Variants in CIC observed in about 807,000 individuals in gnomAD.
CIC encodes the protein protein capicua homolog.
A neutral mutation model predicts 115.7 loss-of-function variants in CIC; 18 were observed. The observed-to-expected ratio is 0.16, with a 90% CI of 0.11 to 0.23. The LOEUF (loss-of-function observed/expected upper bound fraction) is 0.23. CIC is among the 10% of genes least tolerant of loss of function. The probability of loss-of-function intolerance (pLI) is 1.00; values close to 1 mark genes in which losing one functional copy is unlikely to be tolerated. For missense variants in CIC, 2,000 were observed against 2,159.3 expected (o/e 0.93, Z 1.46); for synonymous variants, 1,076 against 923.0 (o/e 1.17, Z -3.01).
intron 2 of CIC, among the ~76,000 whole-genome samples, chr19:42,278,786 G>A (rs1024321430): frequency 2.6e-5 from 4 of 152,210 alleles, no homozygotes; most frequent in African/African-American, 9.7e-5. Context: ...GTCCAGGCCA[G>A]GGAGCCCCCT....
chr19:42,288,107 C>A (rs1414625203), intron 7 of CIC, 132 bp downstream of exon 7: 1 of 1,011,852 alleles, frequency 9.9e-7, no homozygotes, highest in Non-Finnish European at 1.5e-6. Flanking sequence ...GACCCTTATC[C>A]GTAAAGGAAC....
intron 2 of CIC, chr19:42,284,912 C>T: frequency 2.6e-6 from 2 of 783,552 alleles, no homozygotes; most frequent in South Asian, 1.5e-5. Flanking sequence ...CGGAGCTCGG[C>T]CGGGCCGAGT....
intron 2 of CIC, among the ~76,000 whole-genome samples, chr19:42,281,971 G>A (rs1185725105): frequency 6.6e-6 from 1 of 152,230 alleles, no homozygotes; most frequent in Non-Finnish European, 1.5e-5. Context: ...TAGAGAAGGG[G>A]TTAACTTGCC....
At chr19:42,288,222 G>T (rs901211461) in intron 7 of CIC, among the ~76,000 whole-genome samples, 4 of 152,232 alleles carry the variant, frequency 2.6e-5, no homozygotes, top group African/African-American at 9.7e-5. Flanking sequence ...TTTACTATGT[G>T]CCTGGCACTA....
chr19:42,282,881 A>AG (rs1216841891), intron 2 of CIC, among the ~76,000 whole-genome samples: 1 of 4,352 alleles, frequency 2.3e-4, no homozygotes, highest in Non-Finnish European at 4.7e-4. Flanking sequence ...TTTTTCTGGG[A>AG]GGGGGGGCGG....
intron 2 of CIC, among the ~76,000 whole-genome samples, chr19:42,281,476 C>A (rs984250018): frequency 2.0e-5 from 3 of 152,142 alleles, no homozygotes; most frequent in African/African-American, 7.2e-5. Context: ...GGCAGTCCTT[C>A]TGTGGAGTTG....
Position 42,293,793 on chromosome 19 carries a change from G to A in CIC, c.6724G>A (p.Val2242Met), listed in dbSNP as rs1204263804. ...EAAGTGKKVKVRPPPLKKTFD... is the reference protein window; with the variant it reads ...EAAGTGKKVKMRPPPLKKTFD... ...GGCTGGTACTGGCAAGAAGGTGAAG[G>A]TGCGGCCCCCGCCCCTGAAGAAGAC... Residue 2242 changes from valine (V) to methionine (M), a missense_variant, in exon 17 of 21, where the codon GTG becomes ATG. Physicochemically the swap from Val to Met is conservative, Grantham distance 21. This residue lies in a region of CIC where 99 missense variants were observed against 217.6 expected (regional missense o/e 0.45). Transcript: ENST00000681038. 6.2e-7 allele frequency: 1 copy of A among 1,612,566 alleles called. No homozygotes were observed. Among genetic ancestry groups the A allele is most frequent in the Non-Finnish European group, 8.5e-7 (1 of 1,179,578 alleles).
chr19:42,294,510 T>C, intron 19 of CIC, 94 bp from the exon 20 acceptor site: 8 of 1,588,806 alleles, frequency 5.0e-6, no homozygotes, highest in East Asian at 2.2e-5. Flanking sequence ...CCCTGTGAAA[T>C]AGAATGCAGT....
At chr19:42,284,847 G>A (rs2147141538) in intron 2 of CIC, 3 of 1,253,664 alleles carry the variant, frequency 2.4e-6, no homozygotes, top group Non-Finnish European at 3.4e-6. Flanking sequence ...GGTGGTGGGG[G>A]TATAGTAGGG....
In CIC at chr19:42,272,425, C is replaced by T. The variant is rs2036823737; in HGVS notation, c.642C>T (p.Gly214=). Residue 214 remains glycine, a synonymous_variant, in exon 2 of 21, where the codon GGC becomes GGT. Coordinates refer to ENST00000681038, the MANE Select transcript of CIC (RefSeq NM_001386298.1). ...SQRVLARRGD[G]LFLPAVVRQV... is the part of the protein sequence containing the mutation. ...GGGTGCTGGCTCGGCGTGGTGATGG[C>T]CTTTTCCTGCCGGCTGTGGTGCGCC... The T allele has an allele frequency of 7.5e-6, 3 of 398,430 alleles. No homozygotes were observed. The South Asian group carries it at 3.8e-4, about 51-fold the overall frequency. The allele number at this position is 398,430 out of a possible 1,614,324, so 24.7% of individuals were successfully genotyped here. A position where few individuals can be genotyped will look rare whatever the true frequency, so the allele number is the denominator to read the frequency against.
chr19:42,291,057 A>C lies in CIC; in HGVS notation c.5016A>C (p.Leu1672=). The C allele has an allele frequency of 1.2e-6, 2 of 1,613,628 alleles. No homozygotes were observed. Among genetic ancestry groups the C allele is most frequent in the Non-Finnish European group, 1.7e-6 (2 of 1,179,880 alleles). ...VGKAPATVTN[L]LVGTPGYGAP... ...AGGCGCCTGCCACTGTCACTAACCT[A>C]CTGGTGGGCACCCCGGGGTATGGGG... Residue 1672 remains leucine (L), a synonymous_variant, in exon 11 of 21, where the codon CTA becomes CTC. Transcript: ENST00000681038.
chr19:42,280,796 C>T lies in CIC; in HGVS notation c.2795-5975C>T, dbSNP rs1213214091. ...AGGGGAACGCAGGGCGGCGCCCCCT[C>T]CTCTGCTCGGGCCTTGGCGCCTCCC... is the stretch of plus-strand genomic sequence containing the variant. On this transcript the variant is annotated intron_variant, in intron 2 of 20. Transcript: ENST00000681038. The surrounding 1 kb of genome is among the most constrained non-coding windows in gnomAD (Gnocchi z 4.9). 2.0e-5 allele frequency among the ~76,000 whole-genome samples: 3 copies of T among 151,982 alleles called. No homozygotes were observed. The highest frequency in any genetic ancestry group is 4.4e-5 in the Non-Finnish European group (3 of 67,936).
chr19:42,293,709 G>GGCA lies in CIC; in HGVS notation c.6646_6648dup (p.Ser2216dup), dbSNP rs753719289. 3 of 1,612,898 alleles carry GGCA rather than the reference G, an allele frequency of 1.9e-6. No homozygotes were observed. Among genetic ancestry groups the GGCA allele is most frequent in the Middle Eastern group, 1.7e-4 (1 of 6,060 alleles). On this transcript the variant is annotated inframe_insertion, in exon 17 of 21. Coordinates refer to ENST00000681038, the MANE Select transcript of CIC (RefSeq NM_001386298.1). ...CCCAGCTCCAGCTGTAGCCCCTGGT[G>GGCA]GCAGCAGCGAGAGCAGCAGTGGGCG... is the stretch of plus-strand genomic sequence containing the variant.
chr19:42,285,851 G>T (rs1227154010), intron 2 of CIC, among the ~76,000 whole-genome samples: 1 of 152,242 alleles, frequency 6.6e-6, no homozygotes, highest in Non-Finnish European at 1.5e-5. Context: ...GGGGCTGAAG[G>T]TTGGACCCCT....
At chr19:42,288,807 A>G (rs1290187928) in intron 7 of CIC, 81 bp from the exon 8 acceptor site, 3 of 1,306,492 alleles carry the variant, frequency 2.3e-6, no homozygotes, top group Non-Finnish European at 3.3e-6. Flanking sequence ...TAGTACCTAG[A>G]AATATCTATG....
Position 42,290,930 on chromosome 19 carries a change from C to T in CIC, c.4889C>T (p.Ser1630Phe). The T allele has an allele frequency of 6.2e-7, 1 of 1,613,612 alleles. No individual in the cohort carries two copies. The highest frequency in any genetic ancestry group is 8.5e-7 in the Non-Finnish European group (1 of 1,180,016). The change falls in exon 11 of 21, where the codon TCC (serine) becomes TTC (phenylalanine). Residue 1630 changes from serine to phenylalanine, a missense_variant. This residue lies in a region of CIC where 1,466 missense variants were observed against 1,390.4 expected (regional missense o/e 1.05). Transcript: ENST00000681038. ...MGTGSRVPGG[S>F]PLGVSLVYSD... ...ACTGGGTCTCGGGTGCCTGGGGGCT[C>T]CCCGCTGGGTGTCAGCTTAGTGTAT...
In CIC at chr19:42,289,332, C is replaced by A. The variant is rs780297917; in HGVS notation, c.4013C>A (p.Ala1338Glu). Reference protein sequence around the residue: ...LPTRASRSQRAASEDMTSDEE... With the variant: ...LPTRASRSQREASEDMTSDEE... The stretch of plus-strand genomic sequence containing the variant: ...ACCCGAGCTTCTCGTTCTCAGCGTG[C>A]GGCCAGTGAGGACATGACGAGTGAT... The change falls in exon 9 of 21, where the codon GCG (alanine) becomes GAG (glutamate). Residue 1338 changes from alanine (A) to glutamate (E), a missense_variant. Around this residue, in one of 8 missense-constraint regions of CIC, gnomAD observed 1,466 missense variants for 1,390.4 expected, o/e 1.05. Coordinates refer to ENST00000681038, the MANE Select transcript of CIC (RefSeq NM_001386298.1). 6.2e-7 allele frequency: 1 copy of A among 1,613,888 alleles called. No individual in the cohort carries two copies. The highest frequency in any genetic ancestry group is 1.1e-5 in the South Asian group (1 of 91,076).
At chr19:42,275,274 A>G (rs1006136118) in intron 2 of CIC, among the ~76,000 whole-genome samples, 1 of 152,198 alleles carries the variant, frequency 6.6e-6, no homozygotes, top group African/African-American at 2.4e-5. Flanking sequence ...CCTCATCTTT[A>G]CCACTGTGTC....
intron 2 of CIC, among the ~76,000 whole-genome samples, chr19:42,278,193 C>T (rs1438246733): frequency 1.3e-5 from 2 of 152,240 alleles, no homozygotes; most frequent in East Asian, 1.9e-4. Flanking sequence ...TTGCCACCTC[C>T]CTCTGAATCT....
Sources: gnomAD v4.1 joint callset for allele counts (sites outside exome capture counted in the v4.1 genomes callset) on GRCh38, gnomAD v4.1.1 for gene constraint, gnomAD v4.1.1 regional missense constraint, Gnocchi (gnomAD v3.1) non-coding constraint, MANE v1.5 for transcripts, NCBI Gene and HGNC (gene_info 2026-07-23, HGNC 2026-07-21) for gene names.